SETBP1: variants seen among roughly 807,000 people sequenced by gnomAD.
The protein encoded by SETBP1 is SET-binding protein.
SETBP1 carries 9 observed loss-of-function variants against 101.0 expected under a neutral mutation model. The observed-to-expected ratio is 0.09, with a 90% CI of 0.05 to 0.16. The LOEUF (loss-of-function observed/expected upper bound fraction) is 0.16, where lower values mean the gene tolerates loss of function less well. Ranked by LOEUF, SETBP1 falls within the 10% of genes least tolerant of loss-of-function variation. SETBP1 has a pLI of 1.00. For synonymous variants in SETBP1, 818 were observed against 788.5 expected (o/e 1.04, Z -0.63); for missense variants, 1,858 against 2,033.8 (o/e 0.91, Z 1.66).
At chr18:44,818,826 C>G (rs1481980696) in intron 2 of SETBP1, among the ~76,000 whole-genome samples, 1 of 151,872 alleles carries the variant, frequency 6.6e-6, no homozygotes, top group Non-Finnish European at 1.5e-5. Context: ...AACCAGTGCC[C>G]TTCCACCATC....
At chr18:44,862,357 G>A (rs1343312568) in intron 2 of SETBP1, among the ~76,000 whole-genome samples, 1 of 152,190 alleles carries the variant, frequency 6.6e-6, no homozygotes, top group Non-Finnish European at 1.5e-5. Context: ...ATTAAGACTG[G>A]AGGTGTCAGT....
chr18:45,054,084 A>G (rs2073767536), intron 5 of SETBP1, among the ~76,000 whole-genome samples: 1 of 152,186 alleles, frequency 6.6e-6, no homozygotes, highest in Non-Finnish European at 1.5e-5. Context: ...AACAAACAAA[A>G]GCCAAAGTTG....
chr18:44,981,129 C>T (rs2072104605), intron 4 of SETBP1, among the ~76,000 whole-genome samples: 1 of 152,226 alleles, frequency 6.6e-6, no homozygotes, highest in Admixed American at 6.5e-5. Flanking sequence ...CCGATGCACC[C>T]TTAAGTTTGA....
intron 3 of SETBP1, among the ~76,000 whole-genome samples, chr18:44,878,311 T>G (rs1408216332): frequency 6.7e-6 from 1 of 150,304 alleles, no homozygotes; most frequent in Non-Finnish European, 1.5e-5. Flanking sequence ...TCCACTGTCT[T>G]TACATCTTCA....
At chr18:44,915,488 A>G (rs1599316165) in intron 3 of SETBP1, among the ~76,000 whole-genome samples, 1 of 152,352 alleles carries the variant, frequency 6.6e-6, no homozygotes, top group Non-Finnish European at 1.5e-5. Context: ...TCAGCCTTCA[A>G]AGAGCTCAGA....
intron 3 of SETBP1, among the ~76,000 whole-genome samples, chr18:44,909,779 A>T (rs547727539): frequency 6.6e-6 from 1 of 152,328 alleles, no homozygotes; most frequent in South Asian, 2.1e-4. Context: ...AAATATTTAA[A>T]GGGGAGTATG....
chr18:45,046,428 T>G (rs1197607957), intron 5 of SETBP1, among the ~76,000 whole-genome samples: 1 of 152,222 alleles, frequency 6.6e-6, no homozygotes, highest in Non-Finnish European at 1.5e-5. Context: ...CCCTCCAGCC[T>G]CCTTTGTTCA....
rs148899121 is a variant in SETBP1 at position 44,820,399 on chromosome 18, C to T, written c.487-48831C>T. 7.0e-4 allele frequency among the ~76,000 whole-genome samples: 106 copies of T among 152,310 alleles called. 3 individuals are homozygous for T. The East Asian group carries it at 0.019, about 27-fold the overall frequency. ...TGGGTACTTTCCTGGCCATCAAATGCTGAGAGATCTAGCACCTGCTGGTCC... is the reference window on the plus strand; with the variant it reads ...TGGGTACTTTCCTGGCCATCAAATGTTGAGAGATCTAGCACCTGCTGGTCC... On this transcript the variant is annotated intron_variant, in intron 2 of 5. Coordinates refer to ENST00000649279, the MANE Select transcript of SETBP1 (RefSeq NM_015559.3).
intron 4 of SETBP1, among the ~76,000 whole-genome samples, chr18:44,958,331 C>T (rs1249362558): frequency 6.6e-6 from 1 of 152,176 alleles, no homozygotes; most frequent in South Asian, 2.1e-4. Flanking sequence ...TTAGCTCCAG[C>T]CATTTCACTT....
chr18:44,953,254 G>T lies in SETBP1; in HGVS notation c.3914G>T (p.Gly1305Val), dbSNP rs530848252. The T allele has an allele frequency of 1.4e-5, 22 of 1,614,136 alleles. No individual in the cohort carries two copies. Among genetic ancestry groups the T allele is most frequent in the African/African-American group, 2.7e-5 (2 of 75,046 alleles). Residue 1305 changes from glycine (G) to valine (V), a missense_variant, in exon 4 of 6, where the codon GGC (glycine) becomes GTC (valine). By Grantham distance (109) the Gly-to-Val change is moderately radical. Coordinates refer to ENST00000649279, the MANE Select transcript of SETBP1 (RefSeq NM_015559.3). ...GGGAGTAAAAGGAGGAGCTATGAAG[G>T]CTTTGGAACGTACAGGGAAAAGGAC... The part of the protein sequence containing the change: ...VSGSKRRSYE[G>V]FGTYREKDIQ...
intron 2 of SETBP1, among the ~76,000 whole-genome samples, chr18:44,727,967 T>C (rs2069752921): frequency 6.6e-6 from 1 of 152,102 alleles, no homozygotes; most frequent in East Asian, 1.9e-4. Context: ...GAGACTGAAT[T>C]TGAGGGGAGG....
chr18:44,952,573 C>T lies in SETBP1; in HGVS notation c.3233C>T (p.Thr1078Met), dbSNP rs375939479. Reference protein sequence around the residue: ...QYPAPLYLSHTLGAASPFMRP... With the variant: ...QYPAPLYLSHMLGAASPFMRP... ...CCAGCTCCTTTGTACCTATCGCACA[C>T]GCTTGGAGCAGCTTCCCCATTCATG... Residue 1078 changes from threonine (T) to methionine (M), a missense_variant, in exon 4 of 6, where the codon ACG becomes ATG. Around this residue, in one of 12 missense-constraint regions of SETBP1, gnomAD observed 255 missense variants for 300.1 expected, o/e 0.85. Transcript: ENST00000649279. The T allele has an allele frequency of 4.6e-5, 75 of 1,613,828 alleles. No homozygotes were observed. The highest frequency in any genetic ancestry group is 1.9e-4 in the South Asian group (17 of 91,072).
At chr18:44,784,167 A>G (rs894159613) in intron 2 of SETBP1, among the ~76,000 whole-genome samples, 7 of 152,240 alleles carry the variant, frequency 4.6e-5, no homozygotes, top group Non-Finnish European at 1.0e-4. Flanking sequence ...ACTTTCCTAA[A>G]GATACAATGC....
At chr18:44,842,694 C>T (rs995511848) in intron 2 of SETBP1, among the ~76,000 whole-genome samples, 1 of 152,214 alleles carries the variant, frequency 6.6e-6, no homozygotes, top group African/African-American at 2.4e-5. Flanking sequence ...GGGTTAGACC[C>T]AAGGGTGGCA....
chr18:44,988,402 T>C (rs1295313304), intron 4 of SETBP1: 4 of 152,220 alleles, frequency 2.6e-5, no homozygotes, highest in Non-Finnish European at 5.9e-5. Flanking sequence ...ATAAAAGGTT[T>C]CTGTTTACAA....
intron 2 of SETBP1, among the ~76,000 whole-genome samples, chr18:44,868,044 C>T (rs1022943363): frequency 1.3e-5 from 2 of 152,200 alleles, no homozygotes; most frequent in Non-Finnish European, 2.9e-5. Context: ...TTATCTCACA[C>T]TTTCCCAGCA....
chr18:44,681,434 G>T lies in SETBP1; in HGVS notation c.-173+413G>T, dbSNP rs539015310. On this transcript the variant is annotated intron_variant, in intron 1 of 5. Coordinates refer to ENST00000649279, the MANE Select transcript of SETBP1 (RefSeq NM_015559.3). ...GCTGTTTTCAGTGTCTGTTTGTGAT[G>T]GAAGCATTGTTGGGTAATAGCAATT... 2.6e-5 allele frequency among the ~76,000 whole-genome samples: 4 copies of T among 152,242 alleles called. No individual in the cohort carries two copies. The East Asian group carries it at 5.8e-4, about 22-fold the overall frequency.
intron 5 of SETBP1, among the ~76,000 whole-genome samples, chr18:45,060,785 T>C (rs1022126735): frequency 4.6e-5 from 7 of 152,188 alleles, no homozygotes; most frequent in African/African-American, 9.6e-5. Flanking sequence ...TTGGGGTTTG[T>C]TTACTTATTT....
intron 4 of SETBP1, among the ~76,000 whole-genome samples, chr18:44,999,589 A>G (rs529941126): frequency 6.6e-6 from 1 of 152,334 alleles, no homozygotes; most frequent in African/African-American, 2.4e-5. Context: ...TAGGCACAAT[A>G]AGATACAAAG....
Sources: allele counts gnomAD v4.1 joint callset (sites outside exome capture counted in the v4.1 genomes callset), GRCh38; gene constraint gnomAD v4.1.1; regional missense constraint gnomAD v4.1.1; transcripts MANE v1.5; gene names NCBI Gene and HGNC (gene_info 2026-07-23, HGNC 2026-07-21).